SRP68: variants seen among roughly 807,000 people sequenced by gnomAD.
SRP68 encodes the protein signal recognition particle subunit SRP68.
A neutral mutation model predicts 82.2 loss-of-function variants in SRP68; 15 were observed. That is an observed-to-expected ratio of 0.18 (90% CI 0.12 to 0.28). The LOEUF is 0.28. Ranked by LOEUF, SRP68 falls within the 10% of genes least tolerant of loss-of-function variation. SRP68 has a pLI of 1.00. For synonymous variants in SRP68, 261 were observed against 292.6 expected (o/e 0.89, Z 1.10); for missense variants, 595 against 780.5 (o/e 0.76, Z 2.83).
chr17:76,050,867 T>C, intron 8 of SRP68, among the ~76,000 whole-genome samples: 1 of 151,892 alleles, frequency 6.6e-6, no homozygotes, highest in Non-Finnish European at 1.5e-5. Context: ...GCTCAGGACC[T>C]GGCACCCCTT....
At chr17:76,066,449 CAA>C (rs776048043) in intron 3 of SRP68, among the ~76,000 whole-genome samples, 2 of 58,910 alleles carry the variant, frequency 3.4e-5, no homozygotes, top group Admixed American at 1.8e-4. Context: ...GACTCCGTCT[CAA>C]AAAAAAAAAA....
chr17:76,065,559 C>T (rs2066800364), intron 3 of SRP68, among the ~76,000 whole-genome samples: 1 of 151,856 alleles, frequency 6.6e-6, no homozygotes, highest in Admixed American at 6.6e-5. Context: ...TCTGACTGTA[C>T]ACACCAAGCT....
At chr17:76,048,696 T>A (rs1467976806) in intron 9 of SRP68, 2 of 152,252 alleles carry the variant, frequency 1.3e-5, no homozygotes, top group East Asian at 3.8e-4. Flanking sequence ...AACACAGCCC[T>A]GTGAACCCAC....
intron 10 of SRP68, 53 bp from the exon 11 acceptor site, chr17:76,046,247 G>A (rs1422943641): frequency 6.3e-7 from 1 of 1,599,790 alleles, no homozygotes; most frequent in Non-Finnish European, 8.5e-7. Context: ...CGGAGGAACT[G>A]GGAGGACTGG....
Position 76,071,144 on chromosome 17 carries a change from G to A in SRP68, c.185-700C>T, listed in dbSNP as rs1440222570. On this transcript the variant is annotated intron_variant, in intron 1 of 15. Coordinates refer to ENST00000307877, the MANE Select transcript of SRP68 (RefSeq NM_014230.4). The surrounding 1 kb of genome is among the most constrained non-coding windows in gnomAD (Gnocchi z 4.7). ...CCCACATTTTATTCATTCAGATTCA[G>A]GTTATAAATGACATGTACTAAGCCT... Among the ~76,000 whole-genome samples, 1 of 152,112 alleles carries A rather than the reference G, an allele frequency of 6.6e-6. No individual in the cohort carries two copies. The highest frequency in any genetic ancestry group is 1.5e-5 in the Non-Finnish European group (1 of 68,026).
chr17:76,061,045 T>G, intron 6 of SRP68, 65 bp downstream of exon 6: 1 of 959,126 alleles, frequency 1.0e-6, no homozygotes, highest in Non-Finnish European at 1.7e-6. Flanking sequence ...CTCTCTGAAG[T>G]GAGCTCCCAA....
intron 10 of SRP68, among the ~76,000 whole-genome samples, chr17:76,047,396 T>C (rs1191670534): frequency 2.0e-5 from 3 of 152,222 alleles, no homozygotes; most frequent in Non-Finnish European, 4.4e-5. Flanking sequence ...ATAAAAATCT[T>C]AAATTAGGCA....
intron 8 of SRP68, among the ~76,000 whole-genome samples, chr17:76,050,884 C>A (rs894120803): frequency 1.3e-5 from 2 of 151,706 alleles, no homozygotes; most frequent in African/African-American, 4.8e-5. Flanking sequence ...CCTTGAGGGG[C>A]CTTACAGACT....
In SRP68 at chr17:76,061,121, G is replaced by A. The variant is rs1179108206; in HGVS notation, c.743C>T (p.Ala248Val). 3 of 1,606,842 alleles carry A rather than the reference G, an allele frequency of 1.9e-6. No homozygotes were observed. Among genetic ancestry groups the A allele is most frequent in the Non-Finnish European group, 8.5e-7 (1 of 1,173,366 alleles). Residue 248 changes from alanine (A) to valine (V), a missense_variant, in exon 6 of 16, where the codon GCA (alanine) becomes GTA (valine). Ala to Val is a moderately conservative substitution (Grantham distance 64, BLOSUM62 0). Transcript: ENST00000307877. The part of the protein sequence containing the change: ...EEISPNIRYC[A>V]YNIGDQSAIN... ...ATCCCTGCTCTCACCAATATTATAT[G>A]CACAATAGCGGATGTTGGGTGAAAT...
At chr17:76,052,917 TAA>T (rs75770227) in intron 8 of SRP68, among the ~76,000 whole-genome samples, 50 of 128,316 alleles carry the variant, frequency 3.9e-4, no homozygotes, top group Admixed American at 3.1e-4. Context: ...TCCCAGAACT[TAA>T]AAAAAAAAAA....
chr17:76,050,493 C>G lies in SRP68; in HGVS notation c.1012G>C (p.Glu338Gln), dbSNP rs1407704953. The change falls in exon 9 of 16, where the codon GAA (glutamate) becomes CAA (glutamine). Residue 338 changes from glutamate (E) to glutamine (Q), a missense_variant. Physicochemically the swap from Glu to Gln is conservative, Grantham distance 29. This residue lies in a region of SRP68 where 495 missense variants were observed against 688.6 expected (regional missense o/e 0.72). Transcript: ENST00000307877. ...TCCCGACACTCGCTGAGCATTGATT[C>G]AAACAGGCGCTCCTTAGTTTCTTCG... ...ESEETKERLF[E>Q]SMLSECRDAI... is the part of the protein sequence containing the mutation. 1 of 1,613,600 alleles carries G rather than the reference C, an allele frequency of 6.2e-7. No individual in the cohort carries two copies. The highest frequency in any genetic ancestry group is 8.5e-7 in the Non-Finnish European group (1 of 1,179,874).
At chr17:76,041,892 C>CT (rs370234712) in intron 13 of SRP68, among the ~76,000 whole-genome samples, 2,074 of 149,678 alleles carry the variant, frequency 0.014, 40 homozygotes, top group African/African-American at 0.046. Context: ...CCTTTGCTTG[C>CT]TTTTTTTTTT....
rs2066860315 is a variant in SRP68, at chr17:76,072,386, C to T, written c.106G>A (p.Glu36Lys). 6.2e-7 allele frequency: 1 copy of T among 1,610,492 alleles called. No individual in the cohort carries two copies. The highest frequency in any genetic ancestry group is 8.5e-7 in the Non-Finnish European group (1 of 1,179,802). Residue 36 changes from glutamate to lysine, a missense_variant, in exon 1 of 16, where the codon GAA (glutamate) becomes AAA (lysine). Transcript: ENST00000307877. This position sits in a 1 kb window ranked among gnomAD's most constrained non-coding sequence, Gnocchi z 4.5. Reference sequence around the variant, plus strand: ...GGGCGTTCGTTTTCTTTATTTTCTTCCCCTCCGGCACCACGTCCACCGCCG... The same window carrying T: ...GGGCGTTCGTTTTCTTTATTTTCTTTCCCTCCGGCACCACGTCCACCGCCG... ...GSGGGRGAGGEENKENERPSA... is the reference protein window; with the variant it reads ...GSGGGRGAGGKENKENERPSA...
chr17:76,043,125 A>T (rs2066603775), intron 13 of SRP68, among the ~76,000 whole-genome samples: 1 of 151,576 alleles, frequency 6.6e-6, no homozygotes, highest in Non-Finnish European at 1.5e-5. Flanking sequence ...TTGGCCTGGT[A>T]TGGTGGCTCA....
intron 10 of SRP68, 60 bp from the exon 11 acceptor site, chr17:76,046,254 C>A (rs1165541833): frequency 1.3e-6 from 2 of 1,583,106 alleles, no homozygotes; most frequent in Non-Finnish European, 1.7e-6. Context: ...ACTGGGAGGA[C>A]TGGACTACAA....
In SRP68 at chr17:76,070,402, C is replaced by T. The variant is rs771151407; in HGVS notation, c.227G>A (p.Arg76Gln). 9.9e-6 allele frequency: 16 copies of T among 1,613,858 alleles called. No homozygotes were observed. The highest frequency in any genetic ancestry group is 2.2e-5 in the East Asian group (1 of 44,890). ...IKESQQQHGL[R>Q]HGDFQRYRGY... ...CCTGTACCTCTGAAAATCTCCATGC[C>T]GTAAACCATGCTGCTGCTGGGATTC... Residue 76 changes from arginine (R) to glutamine (Q), a missense_variant, in exon 2 of 16, where the codon CGG (arginine) becomes CAG (glutamine). Transcript: ENST00000307877.
chr17:76,041,748 C>T (rs553659385), intron 13 of SRP68: 4 of 152,236 alleles, frequency 2.6e-5, no homozygotes, highest in African/African-American at 9.6e-5. Context: ...TAGGTGGGCT[C>T]CTGCATGCCA....
At chr17:76,040,398 A>G in intron 15 of SRP68, 21 bp downstream of exon 15, 4 of 1,611,474 alleles carry the variant, frequency 2.5e-6, no homozygotes, top group Non-Finnish European at 3.4e-6. Context: ...GTATTCCTCA[A>G]AAACCATGGC....
rs751826261 is a variant in SRP68 at position 76,039,743 on chromosome 17, G to C, written c.1847C>G (p.Thr616Ser). The C allele has an allele frequency of 1.4e-5, 23 of 1,614,118 alleles. No individual in the cohort carries two copies. Among genetic ancestry groups the C allele is most frequent in the Non-Finnish European group, 1.9e-5 (23 of 1,180,046 alleles). The change falls in exon 16 of 16, where the codon ACT becomes AGT. Residue 616 changes from threonine to serine, a missense_variant. Thr to Ser is a moderately conservative substitution (Grantham distance 58, BLOSUM62 1). This residue lies in a region of SRP68 where 495 missense variants were observed against 688.6 expected (regional missense o/e 0.72). Coordinates refer to ENST00000307877, the MANE Select transcript of SRP68 (RefSeq NM_014230.4). The stretch of plus-strand genomic sequence containing the variant: ...TCCAAAGATGCCCTTGATGTATCCA[G>C]TGAGGCCACTCTTGGTCTTCTGTTC... The part of the protein sequence containing the change: ...KLEQKTKSGL[T>S]GYIKGIFGFR...
Sources: gnomAD v4.1 joint callset for allele counts (sites outside exome capture counted in the v4.1 genomes callset) on GRCh38, gnomAD v4.1.1 for gene constraint, gnomAD v4.1.1 regional missense constraint, Gnocchi (gnomAD v3.1) non-coding constraint, MANE v1.5 for transcripts, NCBI Gene and HGNC (gene_info 2026-07-23, HGNC 2026-07-21) for gene names.